FAM227B: variants seen among roughly 807,000 people sequenced by gnomAD.
FAM227B encodes protein FAM227B.
Under a neutral mutation model 73.8 loss-of-function variants are expected in FAM227B, and 88 were observed. The observed-to-expected ratio is 1.19, with a 90% confidence interval of 1.00 to 1.42. The LOEUF is 1.42. Ranked by LOEUF, FAM227B falls within the 40% of genes most tolerant of loss-of-function variation. FAM227B has a pLI of 0.00. For synonymous variants in FAM227B, 210 were observed against 190.5 expected (o/e 1.10, Z -0.84); for missense variants, 632 against 590.9 (o/e 1.07, Z -0.72).
intron 15 of FAM227B, chr15:49,329,837 G>T (rs1224078011): frequency 8.9e-5 from 71 of 799,668 alleles, no homozygotes; most frequent in Non-Finnish European, 1.0e-4. Flanking sequence ...ACCTGTCATT[G>T]TTTTGCTGTT....
intron 11 of FAM227B, among the ~76,000 whole-genome samples, chr15:49,378,940 A>G (rs999061154): frequency 1.3e-5 from 2 of 152,090 alleles, no homozygotes; most frequent in African/African-American, 2.4e-5. Flanking sequence ...TCTGTTGTAT[A>G]TGGCTTTTAT....
intron 11 of FAM227B, among the ~76,000 whole-genome samples, chr15:49,387,913 A>G (rs555772825): frequency 9.9e-5 from 15 of 151,920 alleles, no homozygotes; most frequent in South Asian, 4.1e-4. Flanking sequence ...ACCTACGAAT[A>G]TATTTAACTA....
At position 49,445,803 on chromosome 15, in the gene FAM227B, T is replaced by G. The variant is rs550004169; in HGVS notation, c.1012+62408A>C. 9.2e-5 allele frequency among the ~76,000 whole-genome samples: 14 copies of G among 151,618 alleles called. 1 individual carries two copies. The South Asian group carries it at 2.7e-3, about 29-fold the overall frequency. On this transcript the variant is annotated intron_variant, in intron 11 of 15. Transcript: ENST00000299338. ...CAAGAAATAATAGTAAAAGAGTGTA[T>G]TTGAAACTCTCTTATCACCAGATTC...
At chr15:49,418,487 C>T (rs2049369760) in intron 11 of FAM227B, among the ~76,000 whole-genome samples, 1 of 151,996 alleles carries the variant, frequency 6.6e-6, no homozygotes, top group African/African-American at 2.4e-5. Context: ...GCCATCATGT[C>T]CTTTGCAGGA....
In FAM227B at chr15:49,484,719, T is replaced by G. The variant is rs2056262033; in HGVS notation, c.1012+23492A>C. Reference sequence around the variant, plus strand: ...TGAAAAGTATACACAAAAATCAGATTTAGTAACTAAAGGTTGTAAAAAATT... The same window carrying G: ...TGAAAAGTATACACAAAAATCAGATGTAGTAACTAAAGGTTGTAAAAAATT... On this transcript the variant is annotated intron_variant, in intron 11 of 15. Transcript: ENST00000299338. The G allele has an allele frequency of 1.3e-5, 5 of 378,356 alleles. No homozygotes were observed. In the South Asian group the frequency reaches 5.8e-4, roughly 44 times the overall value. The allele number at this position is 378,356 out of a possible 1,614,324, so 23.4% of individuals were successfully genotyped here. A position where few individuals can be genotyped will look rare whatever the true frequency, so the allele number is the denominator to read the frequency against.
chr15:49,563,750 T>G (rs1157928674), intron 9 of FAM227B, among the ~76,000 whole-genome samples: 1 of 152,156 alleles, frequency 6.6e-6, no homozygotes, highest in East Asian at 1.9e-4. Context: ...AAGGACTCCC[T>G]ATTCAATAAA....
intron 3 of FAM227B, among the ~76,000 whole-genome samples, chr15:49,610,864 T>C (rs760744110): frequency 1.3e-5 from 2 of 152,172 alleles, no homozygotes; most frequent in Non-Finnish European, 2.9e-5. Flanking sequence ...CCTCTACAGA[T>C]TACCTGTCTC....
At chr15:49,344,647 G>C (rs1396504202) in intron 13 of FAM227B, among the ~76,000 whole-genome samples, 2 of 152,176 alleles carry the variant, frequency 1.3e-5, no homozygotes, top group Non-Finnish European at 2.9e-5. Flanking sequence ...ACACATAATT[G>C]AAAATAGAGG....
intron 11 of FAM227B, among the ~76,000 whole-genome samples, chr15:49,490,712 T>G (rs2057014310): frequency 1.3e-5 from 2 of 151,960 alleles, no homozygotes; most frequent in Admixed American, 1.3e-4. Context: ...CGAATGTACC[T>G]TTTTATGTTT....
intron 11 of FAM227B, among the ~76,000 whole-genome samples, chr15:49,389,895 C>T (rs920474138): frequency 6.6e-6 from 1 of 151,942 alleles, no homozygotes; most frequent in African/African-American, 2.4e-5. Flanking sequence ...TCTTTATGCC[C>T]TTGGTCAACA....
At chr15:49,481,903 A>G (rs1257611818) in intron 11 of FAM227B, among the ~76,000 whole-genome samples, 7 of 152,300 alleles carry the variant, frequency 4.6e-5, no homozygotes, top group East Asian at 3.8e-4. Context: ...GAGGCAAATG[A>G]CAAATATTAG....
chr15:49,534,637 G>A (rs560051812), intron 10 of FAM227B, among the ~76,000 whole-genome samples: 1 of 151,902 alleles, frequency 6.6e-6, no homozygotes, highest in East Asian at 1.9e-4. Context: ...CCATCCAACA[G>A]CAGTAGATCA....
chr15:49,552,706 C>T (rs745444963), intron 9 of FAM227B, among the ~76,000 whole-genome samples: 10 of 151,994 alleles, frequency 6.6e-5, no homozygotes, highest in Non-Finnish European at 1.2e-4. Context: ...TTCAAATAGC[C>T]TATCTTCAAG....
chr15:49,521,915 C>T (rs759029419), intron 10 of FAM227B, among the ~76,000 whole-genome samples: 4 of 152,172 alleles, frequency 2.6e-5, no homozygotes, highest in East Asian at 1.9e-4. Flanking sequence ...CCCTCCACCA[C>T]CCCTATCAGG....
chr15:49,571,847 A>G (rs976322007), intron 8 of FAM227B, among the ~76,000 whole-genome samples: 3 of 151,936 alleles, frequency 2.0e-5, no homozygotes, highest in Admixed American at 2.0e-4. Context: ...CTGCAGTTCC[A>G]TATAAATTTT....
chr15:49,456,024 T>A (rs1227937640), intron 11 of FAM227B, among the ~76,000 whole-genome samples: 2 of 152,138 alleles, frequency 1.3e-5, no homozygotes, highest in Admixed American at 1.3e-4. Context: ...AACATGCTGT[T>A]ACATGCTTTA....
chr15:49,519,331 T>A (rs745337908), intron 10 of FAM227B, among the ~76,000 whole-genome samples: 8 of 152,184 alleles, frequency 5.3e-5, no homozygotes, highest in Non-Finnish European at 1.2e-4. Flanking sequence ...ACAGTGGCCC[T>A]CTTCTCACAG....
chr15:49,355,207 T>C (rs1273345653), intron 13 of FAM227B, among the ~76,000 whole-genome samples: 1 of 152,126 alleles, frequency 6.6e-6, no homozygotes, highest in Admixed American at 6.5e-5. Context: ...AGGAACGCAG[T>C]TCCTCACCAG....
intron 11 of FAM227B, among the ~76,000 whole-genome samples, chr15:49,382,150 C>A (rs2046578573): frequency 6.6e-6 from 1 of 151,560 alleles, no homozygotes; most frequent in Admixed American, 6.6e-5. Context: ...TTCTAAAGTG[C>A]AAATTAAAAA....
Sources: allele counts gnomAD v4.1 joint callset (sites outside exome capture counted in the v4.1 genomes callset), GRCh38; gene constraint gnomAD v4.1.1; transcripts MANE v1.5; gene names NCBI Gene and HGNC (gene_info 2026-07-23, HGNC 2026-07-21).